KIF24: variants seen among roughly 807,000 people sequenced by gnomAD.
KIF24 encodes kinesin family member 24.
Under a neutral mutation model 118.9 loss-of-function variants are expected in KIF24, and 81 were observed. The ratio of observed to expected loss-of-function variants is 0.68; its 90% CI spans 0.57 to 0.82. The LOEUF (loss-of-function observed/expected upper bound fraction) is 0.82, where lower values mean the gene tolerates loss of function less well. KIF24 is among the 40% of genes least tolerant of loss of function. The pLI is 0.00. For synonymous variants in KIF24, 599 were observed against 610.0 expected (o/e 0.98, Z 0.27); for missense variants, 1,560 against 1,661.6 (o/e 0.94, Z 1.06).
chr9:34,255,286 T>C, intron 11 of KIF24, 121 bp from the exon 12 acceptor site: 1 of 646,750 alleles, frequency 1.5e-6, no homozygotes. Context: ...GTCAAGGTTT[T>C]CACCAAGGCC....
chr9:34,265,782 T>C (rs1332567676), intron 8 of KIF24, among the ~76,000 whole-genome samples: 1 of 152,122 alleles, frequency 6.6e-6, no homozygotes, highest in Admixed American at 6.5e-5. Flanking sequence ...CTAAGATTTC[T>C]AGCATAACAG....
chr9:34,326,005 T>C (rs536033507), intron 1 of KIF24, among the ~76,000 whole-genome samples: 1 of 152,308 alleles, frequency 6.6e-6, no homozygotes, highest in South Asian at 2.1e-4. Flanking sequence ...GAAATATTTT[T>C]TGAGAGACTT....
chr9:34,309,808 G>T (rs1294374625), intron 2 of KIF24, among the ~76,000 whole-genome samples: 4 of 151,956 alleles, frequency 2.6e-5, no homozygotes, highest in Non-Finnish European at 4.4e-5. Context: ...TAAAATAACT[G>T]ATTATGAGAT....
intron 6 of KIF24, among the ~76,000 whole-genome samples, chr9:34,280,518 G>A (rs1712600950): frequency 6.6e-6 from 1 of 152,086 alleles, no homozygotes; most frequent in Non-Finnish European, 1.5e-5. Context: ...GCTGGAGGTA[G>A]GGGCAAGAGG....
intron 5 of KIF24, among the ~76,000 whole-genome samples, chr9:34,288,591 A>C (rs1276950851): frequency 6.6e-6 from 1 of 152,010 alleles, no homozygotes; most frequent in Non-Finnish European, 1.5e-5. Flanking sequence ...GAAAGGTAGG[A>C]AATAGATTAG....
intron 6 of KIF24, among the ~76,000 whole-genome samples, chr9:34,274,777 TGTG>T (rs1459479467): frequency 2.1e-5 from 1 of 48,722 alleles, no homozygotes; most frequent in African/African-American, 5.3e-5. Context: ...ATTAAAAAAA[TGTG>T]GTGCTCGTAC....
At chr9:34,292,735 A>T (rs1397299558) in intron 4 of KIF24, among the ~76,000 whole-genome samples, 1 of 152,204 alleles carries the variant, frequency 6.6e-6, no homozygotes, top group Non-Finnish European at 1.5e-5. Flanking sequence ...TTGCCTTTTG[A>T]ACCCTGGCTC....
At chr9:34,262,798 C>G (rs567926436) in intron 9 of KIF24, among the ~76,000 whole-genome samples, 33 of 147,052 alleles carry the variant, frequency 2.2e-4, no homozygotes, top group African/African-American at 7.9e-4. Flanking sequence ...GAGGCAGAGG[C>G]CACAGTAAGC....
intron 6 of KIF24, among the ~76,000 whole-genome samples, chr9:34,278,677 C>T (rs980972652): frequency 6.6e-6 from 1 of 151,898 alleles, no homozygotes; most frequent in Non-Finnish European, 1.5e-5. Context: ...ACCTTTAAAA[C>T]TACTAAGCTC....
chr9:34,284,176 G>T (rs1835954241), intron 6 of KIF24, among the ~76,000 whole-genome samples: 1 of 152,140 alleles, frequency 6.6e-6, no homozygotes, highest in South Asian at 2.1e-4. Flanking sequence ...GCTGAGGTAG[G>T]AGGATTGCTT....
rs373687214 is a variant in KIF24, at chr9:34,290,248, C to T, written c.1053G>A (p.Lys351=). 1.9e-6 allele frequency: 3 copies of T among 1,613,956 alleles called. No individual in the cohort carries two copies. The highest frequency in any genetic ancestry group is 2.5e-6 in the Non-Finnish European group (3 of 1,179,862). The change falls in exon 5 of 13, where the codon AAG becomes AAA. Residue 351 remains lysine (K), a synonymous_variant. Transcript: ENST00000402558. ...FRQLEVSQPR[K]HLFVWISFYE... ...AGAAGCTGATCCACACAAAGAGGTG[C>T]TTTCTTGGCTGGGACACTTCTAGTT...
chr9:34,273,353 A>G (rs1479166784), intron 6 of KIF24, among the ~76,000 whole-genome samples: 2 of 141,846 alleles, frequency 1.4e-5, no homozygotes, highest in Non-Finnish European at 3.0e-5. Flanking sequence ...TAATGAAGGG[A>G]TGGTAATTGC....
In KIF24 at chr9:34,320,955, ACT is replaced by A. The variant is rs548547055; in HGVS notation, c.-26+8149_-26+8150del. ...CAAATGTGTGCTTTTATTTTTATTC[ACT>A]GTTTTCTTTGTAGTTACGTATTTTA... On this transcript the variant is annotated intron_variant, in intron 1 of 12. Coordinates refer to ENST00000402558, the MANE Select transcript of KIF24 (RefSeq NM_194313.4). 3.4e-3 allele frequency among the ~76,000 whole-genome samples: 512 copies of A among 152,118 alleles called. 4 individuals are homozygous for A. The highest frequency in any genetic ancestry group is 0.011 in the African/African-American group (453 of 41,496).
At chr9:34,295,822 GCCA>G (rs966105410) in intron 4 of KIF24, among the ~76,000 whole-genome samples, 2 of 152,016 alleles carry the variant, frequency 1.3e-5, no homozygotes, top group Admixed American at 6.5e-5. Flanking sequence ...ACAGGTGCAA[GCCA>G]CCACATGTGG....
chr9:34,330,747 G>T (rs1481529478), upstream of KIF24, among the ~76,000 whole-genome samples: 1 of 152,030 alleles, frequency 6.6e-6, no homozygotes, highest in African/African-American at 2.4e-5. Context: ...GGATCACGAG[G>T]TCAGGAGATC....
upstream of KIF24, among the ~76,000 whole-genome samples, chr9:34,332,058 C>T (rs577430786): frequency 2.0e-5 from 3 of 152,362 alleles, no homozygotes; most frequent in East Asian, 5.8e-4. Flanking sequence ...ACTGGTTAAT[C>T]TCTCTGCCTC....
intron 6 of KIF24, among the ~76,000 whole-genome samples, chr9:34,281,552 G>C (rs1450682196): frequency 6.6e-6 from 1 of 152,122 alleles, no homozygotes; most frequent in Non-Finnish European, 1.5e-5. Flanking sequence ...GGTAATATTT[G>C]CAAAAACCTC....
intron 1 of KIF24, among the ~76,000 whole-genome samples, chr9:34,320,332 C>CAAAAA (rs66835823): frequency 1.9e-5 from 2 of 106,322 alleles, no homozygotes; most frequent in Non-Finnish European, 3.7e-5. Flanking sequence ...AATGTTCCAA[C>CAAAAA]AAAAAAAAAA....
intron 5 of KIF24, among the ~76,000 whole-genome samples, chr9:34,287,440 A>C (rs1223061501): frequency 2.6e-5 from 4 of 152,182 alleles, no homozygotes; most frequent in Admixed American, 6.5e-5. Context: ...CAAGGTAATA[A>C]ATGGTTATGG....
Sources: allele counts gnomAD v4.1 joint callset (sites outside exome capture counted in the v4.1 genomes callset), GRCh38; gene constraint gnomAD v4.1.1; transcripts MANE v1.5; gene names NCBI Gene and HGNC (gene_info 2026-07-23, HGNC 2026-07-21).